CDH8: variants seen among roughly 807,000 people sequenced by gnomAD.
The protein encoded by CDH8 is cadherin 8.
CDH8 carries 17 observed loss-of-function variants against 68.1 expected under a neutral mutation model. The ratio of observed to expected loss-of-function variants is 0.25; its 90% CI spans 0.17 to 0.37. The LOEUF (loss-of-function observed/expected upper bound fraction) is 0.37, where lower values mean the gene tolerates loss of function less well. CDH8 is among the 10% of genes least tolerant of loss of function. The probability of loss-of-function intolerance (pLI) is 1.00; values close to 1 mark genes in which losing one functional copy is unlikely to be tolerated. For synonymous variants in CDH8, 372 were observed against 365.1 expected (o/e 1.02, Z -0.21); for missense variants, 763 against 999.3 (o/e 0.76, Z 3.19).
intron 11 of CDH8, among the ~76,000 whole-genome samples, chr16:61,654,561 T>C (rs547265464): frequency 6.6e-6 from 1 of 152,270 alleles, no homozygotes; most frequent in African/African-American, 2.4e-5. Flanking sequence ...TCCAATTAAA[T>C]TATGTTCTTT....
intron 2 of CDH8, among the ~76,000 whole-genome samples, chr16:61,911,825 AAAG>A (rs1246845579): frequency 6.6e-6 from 1 of 152,134 alleles, no homozygotes; most frequent in Non-Finnish European, 1.5e-5. Context: ...CAGCCAAACA[AAAG>A]AAGTGGATCT....
chr16:61,652,256 T>G lies in CDH8; in HGVS notation c.*1352A>C, dbSNP rs1963338345. ...GTCTAAGACATTCTGTGCATCACCA[T>G]GAAGATCAGGGATAGGAGTGCTAAA... On this transcript the variant is annotated 3_prime_UTR_variant, in exon 12 of 12. Transcript: ENST00000577390. 1 of 984,696 alleles carries G rather than the reference T, an allele frequency of 1.0e-6. No homozygotes were observed. Among genetic ancestry groups the G allele is most frequent in the African/African-American group, 1.7e-5 (1 of 57,212 alleles). The allele number at this position is 984,696 out of a possible 1,614,324, so 61.0% of individuals were successfully genotyped here.
intron 7 of CDH8, among the ~76,000 whole-genome samples, chr16:61,808,041 C>A (rs766461875): frequency 6.6e-6 from 1 of 152,184 alleles, no homozygotes; most frequent in East Asian, 1.9e-4. Context: ...GCAAAAAGCA[C>A]TGTACTAAAA....
At chr16:62,010,853 G>A (rs1454567741) in intron 2 of CDH8, among the ~76,000 whole-genome samples, 1 of 151,816 alleles carries the variant, frequency 6.6e-6, no homozygotes, top group Non-Finnish European at 1.5e-5. Context: ...TGAGGCAGGA[G>A]ATGCGCTTGA....
In CDH8 at chr16:61,844,362, A is replaced by T. The variant is rs759725365; in HGVS notation, c.667+12757T>A. 2.0e-5 allele frequency among the ~76,000 whole-genome samples: 3 copies of T among 151,894 alleles called. 1 individual carries two copies. In the South Asian group the frequency reaches 6.2e-4, roughly 32 times the overall value. On this transcript the variant is annotated intron_variant, in intron 4 of 11. Transcript: ENST00000577390. ...GAGTTAATGGGTGCAGCACACCAAC[A>T]TGGCACATGTATACATATGTAACAA...
chr16:61,981,675 T>TGCGC (rs1290560500), intron 2 of CDH8, among the ~76,000 whole-genome samples: 1 of 151,010 alleles, frequency 6.6e-6, no homozygotes, highest in African/African-American at 2.5e-5. Context: ...TGTGTGTGTG[T>TGCGC]GTGTGTGCGC....
chr16:61,984,128 G>A (rs963327196), intron 2 of CDH8, among the ~76,000 whole-genome samples: 4 of 151,842 alleles, frequency 2.6e-5, no homozygotes, highest in African/African-American at 7.2e-5. Flanking sequence ...CATATTGGCC[G>A]GGCTTGTCTC....
chr16:61,735,774 T>C (rs1959661631), intron 8 of CDH8, among the ~76,000 whole-genome samples: 1 of 151,996 alleles, frequency 6.6e-6, no homozygotes, highest in African/African-American at 2.4e-5. Context: ...GTACTTTACT[T>C]TAGGTATAGA....
rs1960665225 is a variant in CDH8, at chr16:61,768,353, T to TCTCC, written c.1414+20992_1414+20993insGGAG. 2.7e-5 allele frequency among the ~76,000 whole-genome samples: 3 copies of TCTCC among 109,376 alleles called. 1 individual carries two copies. The highest frequency in any genetic ancestry group is 1.9e-5 in the Non-Finnish European group (1 of 53,784). The allele number at this position is 109,376 out of a possible 152,430, so 71.8% of individuals were successfully genotyped here. A position where few individuals can be genotyped will look rare whatever the true frequency, so the allele number is the denominator to read the frequency against. ...CTCTCTCTCTCTCTCTCTCTCTCTC[T>TCTCC]CTCTCTCTCTCTCTCCCTTTCTCTC... On this transcript the variant is annotated intron_variant, in intron 8 of 11. Transcript: ENST00000577390.
chr16:61,877,688 CACAA>C (rs1963487673), intron 3 of CDH8, among the ~76,000 whole-genome samples: 1 of 152,026 alleles, frequency 6.6e-6, no homozygotes, highest in Admixed American at 6.6e-5. Context: ...CAAATTCACA[CACAA>C]ACACTCATAT....
chr16:61,723,071 A>C (rs1959241590), intron 9 of CDH8, among the ~76,000 whole-genome samples: 1 of 150,772 alleles, frequency 6.6e-6, no homozygotes, highest in African/African-American at 2.4e-5. Flanking sequence ...ACCTTGCTTC[A>C]TGCCTCAGAA....
chr16:61,833,875 G>A (rs1324818195), intron 4 of CDH8, among the ~76,000 whole-genome samples: 3 of 151,770 alleles, frequency 2.0e-5, no homozygotes, highest in Non-Finnish European at 4.4e-5. Context: ...TTGATTGTAT[G>A]CACCTTTGCT....
At chr16:61,654,186 T>C in intron 11 of CDH8, 85 bp from the exon 12 acceptor site, 1 of 1,247,272 alleles carries the variant, frequency 8.0e-7, no homozygotes, top group Non-Finnish European at 1.1e-6. Context: ...GAGAGAGGGG[T>C]ATTTTTACAA....
intron 2 of CDH8, among the ~76,000 whole-genome samples, chr16:61,994,973 C>T (rs183487649): frequency 1.3e-5 from 2 of 152,258 alleles, no homozygotes; most frequent in Non-Finnish European, 2.9e-5. Flanking sequence ...TTAGTTTCTG[C>T]TAACAAACCT....
chr16:61,810,986 T>C (rs1961931364), intron 7 of CDH8, among the ~76,000 whole-genome samples: 1 of 145,078 alleles, frequency 6.9e-6, no homozygotes, highest in Non-Finnish European at 1.5e-5. Context: ...ATTGTGCCAC[T>C]GTACTCCAGC....
chr16:62,009,365 C>A (rs532554498), intron 2 of CDH8, among the ~76,000 whole-genome samples: 1 of 152,098 alleles, frequency 6.6e-6, no homozygotes, highest in African/African-American at 2.4e-5. Context: ...TTACAAGGGG[C>A]GTCAGGGAAG....
At chr16:61,950,617 C>T (rs1448854163) in intron 2 of CDH8, among the ~76,000 whole-genome samples, 1 of 152,166 alleles carries the variant, frequency 6.6e-6, no homozygotes, top group African/African-American at 2.4e-5. Context: ...AAAATATCTA[C>T]TTCATTTCTT....
At chr16:61,897,347 G>A (rs557031095) in intron 3 of CDH8, among the ~76,000 whole-genome samples, 21 of 152,016 alleles carry the variant, frequency 1.4e-4, no homozygotes, top group African/African-American at 4.8e-4. Context: ...CCACCTCCCA[G>A]GTTCAAGTGA....
chr16:61,922,904 A>T (rs1964393714), intron 2 of CDH8, among the ~76,000 whole-genome samples: 1 of 152,224 alleles, frequency 6.6e-6, no homozygotes. Context: ...ATATAGTTCA[A>T]AGTACATGTG....
Sources: allele counts gnomAD v4.1 joint callset (sites outside exome capture counted in the v4.1 genomes callset), GRCh38; gene constraint gnomAD v4.1.1; transcripts MANE v1.5; gene names NCBI Gene and HGNC (gene_info 2026-07-23, HGNC 2026-07-21).